The following LOC400499 variants were observed in gnomAD, a reference collection of about 807,000 sequenced individuals.
the LOC400499 span, among the ~76,000 whole-genome samples, chr16:11,438,607 CAAAA>C: frequency 5.0e-5 from 3 of 59,850 alleles, no homozygotes; most frequent in Admixed American, 4.0e-4. Flanking sequence ...CCTGTCTCTG[CAAAA>C]AAAAAAAAAA....
the LOC400499 span, among the ~76,000 whole-genome samples, chr16:11,468,517 G>A: frequency 3.3e-5 from 5 of 152,076 alleles, no homozygotes; most frequent in African/African-American, 1.2e-4. Context: ...GTAGACACCG[G>A]GTCTTGCTAT....
the LOC400499 span, among the ~76,000 whole-genome samples, chr16:11,481,184 T>C: frequency 6.6e-6 from 1 of 152,164 alleles, no homozygotes; most frequent in Non-Finnish European, 1.5e-5. Context: ...TTGGTGGCTG[T>C]TGGAGGCTAG....
the LOC400499 span, among the ~76,000 whole-genome samples, chr16:11,415,683 AT>A: frequency 6.6e-6 from 1 of 152,200 alleles, no homozygotes; most frequent in Non-Finnish European, 1.5e-5. Context: ...CAGGCAGAGC[AT>A]CCCCAGGAGG....
chr16:11,525,368 A>G, the LOC400499 span, among the ~76,000 whole-genome samples: 6 of 151,590 alleles, frequency 4.0e-5, no homozygotes, highest in South Asian at 1.0e-3. Context: ...ATTATATACT[A>G]TTTTGTTTAC....
chr16:11,395,869 C>G, the LOC400499 span, among the ~76,000 whole-genome samples: 1,074 of 152,242 alleles, frequency 7.1e-3, 11 homozygotes, highest in African/African-American at 0.024. Flanking sequence ...CCAAAAACCA[C>G]CCTGTGAAAT....
chr16:11,476,434 T>C, the LOC400499 span, among the ~76,000 whole-genome samples: 1 of 151,828 alleles, frequency 6.6e-6, no homozygotes, highest in Non-Finnish European at 1.5e-5. Context: ...CGCCCACCCT[T>C]CACAGTCAAC....
chr16:11,405,652 G>A, the LOC400499 span, among the ~76,000 whole-genome samples: 2 of 152,110 alleles, frequency 1.3e-5, no homozygotes, highest in Admixed American at 6.5e-5. Context: ...GCTCTTAAAC[G>A]TCTCTAAAAC....
At chr16:11,513,198 G>A in the LOC400499 span, among the ~76,000 whole-genome samples, 1 of 151,802 alleles carries the variant, frequency 6.6e-6, no homozygotes, top group Non-Finnish European at 1.5e-5. Flanking sequence ...GAGCCCAAGA[G>A]TTCGAGACCA....
At chr16:11,459,562 A>C in the LOC400499 span, among the ~76,000 whole-genome samples, 3 of 152,184 alleles carry the variant, frequency 2.0e-5, no homozygotes, top group Non-Finnish European at 4.4e-5. Context: ...CCACCTGTTC[A>C]GCTGCTGAGC....
the LOC400499 span, chr16:11,404,640 C>A: frequency 5.0e-6 from 2 of 398,726 alleles, no homozygotes; most frequent in South Asian, 1.3e-4. Flanking sequence ...AGCCACCGCG[C>A]CTGGCCAGGG....
the LOC400499 span, chr16:11,390,037 A>G: frequency 9.5e-7 from 1 of 1,053,450 alleles, no homozygotes; most frequent in Non-Finnish European, 1.2e-6. Context: ...GAAGGTGTCA[A>G]AGCATTCAGC....
At chr16:11,466,428 C>G in the LOC400499 span, among the ~76,000 whole-genome samples, 4 of 151,896 alleles carry the variant, frequency 2.6e-5, no homozygotes, top group Non-Finnish European at 5.9e-5. Flanking sequence ...CGCTCTGTTG[C>G]CCAGGCTGCA....
At chr16:11,484,806 G>GGTTCAAAA in the LOC400499 span, 101,550 of 398,014 alleles carry the variant, frequency 0.26, 13,536 homozygotes, top group Admixed American at 0.42. Flanking sequence ...CCAAGTCTCA[G>GGTTCAAAA]GTTCAAAAGT....
At chr16:11,475,284 C>T in the LOC400499 span, among the ~76,000 whole-genome samples, 4 of 152,092 alleles carry the variant, frequency 2.6e-5, no homozygotes, top group Admixed American at 2.6e-4. Flanking sequence ...ACCTATGTAA[C>T]AAACCTGCAT....
At chr16:11,518,077 G>C in the LOC400499 span, among the ~76,000 whole-genome samples, 1 of 152,166 alleles carries the variant, frequency 6.6e-6, no homozygotes, top group Non-Finnish European at 1.5e-5. Context: ...GCAAGTGGCA[G>C]TGTGGCCTCC....
chr16:11,384,695 G>A, the LOC400499 span, among the ~76,000 whole-genome samples: 1 of 152,208 alleles, frequency 6.6e-6, no homozygotes, highest in Non-Finnish European at 1.5e-5. Flanking sequence ...GGGCCTCTGT[G>A]CGGTCATCTG....
At chr16:11,493,674 C>G in the LOC400499 span, 1 of 397,444 alleles carries the variant, frequency 2.5e-6, no homozygotes, top group Admixed American at 4.4e-5. Context: ...TTCGGAAGGC[C>G]TGGATGGCCC....
chr16:11,463,195 A>G, the LOC400499 span, among the ~76,000 whole-genome samples: 1 of 152,226 alleles, frequency 6.6e-6, no homozygotes, highest in African/African-American at 2.4e-5. Flanking sequence ...ATTCTCTGGA[A>G]AAGTCATGAG....
At chr16:11,409,271 A>G in the LOC400499 span, among the ~76,000 whole-genome samples, 23 of 152,258 alleles carry the variant, frequency 1.5e-4, no homozygotes, top group African/African-American at 4.8e-4. Context: ...AAAAAAAGAA[A>G]AAATAAATAA....
Sources: gnomAD v4.1 joint callset for allele counts (sites outside exome capture counted in the v4.1 genomes callset) on GRCh38, gnomAD v4.1.1 for gene constraint, MANE v1.5 for transcripts.